The following VPS16 variants were observed in gnomAD, a reference collection of about 807,000 sequenced individuals.
VPS16 encodes the protein VPS16 core subunit of CORVET and HOPS complexes, also known as vacuolar protein sorting-associated protein 16 homolog.
In VPS16, 82 loss-of-function variants were observed where a neutral mutation model predicts 116.0. The observed-to-expected ratio is 0.71, with a 90% CI of 0.59 to 0.85. VPS16 has a LOEUF of 0.85. Among genes scored for constraint, VPS16 ranks in the 40% least tolerant of loss-of-function variants. VPS16 has a pLI of 0.00. For synonymous variants in VPS16, 406 were observed against 420.7 expected (o/e 0.96, Z 0.43); for missense variants, 928 against 1,090.6 (o/e 0.85, Z 2.10).
At chr20:2,849,852 T>C (rs990982898) in intron 1 of VPS16, among the ~76,000 whole-genome samples, 1 of 152,220 alleles carries the variant, frequency 6.6e-6, no homozygotes, top group Non-Finnish European at 1.5e-5. Context: ...GCTTGATGAA[T>C]TGTGATGCAA....
In VPS16 at chr20:2,862,848, C is replaced by T. The variant is rs757926126; in HGVS notation, c.1245C>T (p.Pro415=). 131 of 1,613,974 alleles carry T rather than the reference C, an allele frequency of 8.1e-5. No homozygotes were observed. The highest frequency in any genetic ancestry group is 1.6e-4 in the Middle Eastern group (1 of 6,084). ...AGTGTTTCCTGGACAGATTTCCACC[C>T]GACAGCTTCGTGCACATGTGTCAGG... ...FGKCFLDRFP[P]DSFVHMCQDL... is the part of the protein sequence containing the mutation. Residue 415 remains proline, a synonymous_variant, in exon 13 of 24, where the codon CCC becomes CCT. Coordinates refer to ENST00000380445, the MANE Select transcript of VPS16 (RefSeq NM_022575.4).
chr20:2,859,128 T>C (rs918054781), intron 1 of VPS16, among the ~76,000 whole-genome samples: 2 of 151,984 alleles, frequency 1.3e-5, no homozygotes, highest in African/African-American at 4.8e-5. Flanking sequence ...GGAGACTCCA[T>C]CTCTACAAAA....
rs866253782 is a variant in VPS16, at chr20:2,864,203, G to A, written c.1636G>A (p.Gly546Arg). Residue 546 changes from glycine (G) to arginine (R), a missense_variant, in exon 17 of 24, where the codon GGG becomes AGG. Transcript: ENST00000380445. This position sits in a 1 kb window ranked among gnomAD's most constrained non-coding sequence, Gnocchi z 5.2. ...GCTGCTGGAGTATGAGCCACGCTCA[G>A]GGGAGCAGGTACCCCTTCTCCTAAA... is the stretch of plus-strand genomic sequence containing the variant. ...IKLLEYEPRS[G>R]EQVPLLLKMK... The A allele has an allele frequency of 6.2e-7, 1 of 1,614,204 alleles. No individual in the cohort carries two copies. Among genetic ancestry groups the A allele is most frequent in the South Asian group, 1.1e-5 (1 of 91,084 alleles).
chr20:2,862,759 G>GTGGGGGGGGGT, intron 12 of VPS16, 48 bp from the exon 13 acceptor site: 1 of 777,202 alleles, frequency 1.3e-6, no homozygotes. Context: ...GAGGGGGTGG[G>GTGGGGGGGGGT]ATGGGCAGCA....
At chr20:2,851,453 A>G (rs2089120215) in intron 1 of VPS16, among the ~76,000 whole-genome samples, 1 of 151,998 alleles carries the variant, frequency 6.6e-6, no homozygotes, top group Non-Finnish European at 1.5e-5. Context: ...TACTAACGAT[A>G]CCAGTTTGAG....
chr20:2,856,689 G>T (rs2089174831), intron 1 of VPS16, among the ~76,000 whole-genome samples: 1 of 152,086 alleles, frequency 6.6e-6, no homozygotes, highest in Admixed American at 6.5e-5. Flanking sequence ...CATTTATTGT[G>T]GTTCTTCCTA....
intron 1 of VPS16, among the ~76,000 whole-genome samples, chr20:2,842,719 T>TCTAGATGTATCTATATATAGATAGAC (rs1568620704): frequency 1.2e-5 from 1 of 80,408 alleles, no homozygotes; most frequent in Non-Finnish European, 2.4e-5. Flanking sequence ...TAGATAGACA[T>TCTAGATGTATCTATATATAGATAGAC]ATGGATGTAT....
chr20:2,840,969 C>A (rs1006910840), intron 1 of VPS16, 142 bp downstream of exon 1: 7 of 773,200 alleles, frequency 9.1e-6, no homozygotes, highest in African/African-American at 1.8e-5. Flanking sequence ...TGCCACTTAG[C>A]GCACAGCCGC....
chr20:2,854,432 A>AAAAAC (rs1183048931), intron 1 of VPS16, among the ~76,000 whole-genome samples: 17 of 152,152 alleles, frequency 1.1e-4, no homozygotes, highest in Admixed American at 3.3e-4. Context: ...ATGTCTTTCT[A>AAAAAC]AAAACAAAAC....
At position 2,856,297 on chromosome 20, in the gene VPS16, T is replaced by A. The variant is rs368654251; in HGVS notation, c.54-3422T>A. 3.9e-5 allele frequency among the ~76,000 whole-genome samples: 6 copies of A among 152,240 alleles called. No homozygotes were observed. In the East Asian group the frequency reaches 7.7e-4, roughly 20 times the overall value. ...AGCTCACCATCATGTATGGGTGCAG[T>A]TTGTGGCACCCCAAAACAATTATAG... On this transcript the variant is annotated intron_variant, in intron 1 of 23. Transcript: ENST00000380445.
In VPS16 at chr20:2,861,011, G is replaced by T. The variant is rs756994384; in HGVS notation, c.672G>T (p.Gln224His). The change falls in exon 7 of 24, where the codon CAG becomes CAT. Residue 224 changes from glutamine to histidine, a missense_variant. Gln to His is a conservative substitution (Grantham distance 24). Transcript: ENST00000380445. ...GLAPGVSSFL[Q>H]MAVSFTYRHL... is the part of the protein sequence containing the mutation. ...CCCCAGGAGTAAGCAGCTTCCTACA[G>T]ATGGCTGTCTCCTTCACCTACCGAC... The T allele has an allele frequency of 6.2e-7, 1 of 1,614,206 alleles. No homozygotes were observed. Among genetic ancestry groups the T allele is most frequent in the Middle Eastern group, 1.6e-4 (1 of 6,062 alleles).
At position 2,863,884 on chromosome 20, in the gene VPS16, G is replaced by A. The variant is rs2089278545; in HGVS notation, c.1477-65G>A. The A allele has an allele frequency of 6.3e-7, 1 of 1,587,856 alleles. No homozygotes were observed. Among genetic ancestry groups the A allele is most frequent in the Non-Finnish European group, 8.6e-7 (1 of 1,163,734 alleles). On this transcript the variant is annotated intron_variant, in intron 15 of 23. Coordinates refer to ENST00000380445, the MANE Select transcript of VPS16 (RefSeq NM_022575.4). The surrounding 1 kb of genome is among the most constrained non-coding windows in gnomAD (Gnocchi z 4.4). ...GGGAACTGAAGGGGTGGGTCCTAAGGGCTTGCAGGAGTGGAGAGTGAGGAA... is the reference window on the plus strand; with the variant it reads ...GGGAACTGAAGGGGTGGGTCCTAAGAGCTTGCAGGAGTGGAGAGTGAGGAA...
chr20:2,866,425 C>A lies in VPS16; in HGVS notation c.2376-5C>A. 1 of 1,614,144 alleles carries A rather than the reference C, an allele frequency of 6.2e-7. No homozygotes were observed. The highest frequency in any genetic ancestry group is 8.5e-7 in the Non-Finnish European group (1 of 1,180,022). On this transcript the variant is annotated splice_polypyrimidine_tract_variant and splice_region_variant and intron_variant, in intron 23 of 23. Transcript: ENST00000380445. ...ACACCACCTCCTCTCTTGCTCAAAC[C>A]ACAGCGATGTGGCTCAGGCTGCAGA... is the stretch of plus-strand genomic sequence containing the variant.
chr20:2,857,773 T>C (rs1009056048), intron 1 of VPS16, among the ~76,000 whole-genome samples: 1 of 150,092 alleles, frequency 6.7e-6, no homozygotes, highest in South Asian at 2.1e-4. Context: ...TGCAGTGGCA[T>C]GATCCTGGCT....
chr20:2,862,397 G>A, intron 11 of VPS16, 182 bp from the exon 12 acceptor site: 1 of 1,294,464 alleles, frequency 7.7e-7, no homozygotes, highest in Non-Finnish European at 1.0e-6. Context: ...GGCAGCTGTG[G>A]GCTGATACGA....
At chr20:2,854,978 T>TTTTTTTG (rs2089158797) in intron 1 of VPS16, among the ~76,000 whole-genome samples, 1 of 146,782 alleles carries the variant, frequency 6.8e-6, no homozygotes, top group South Asian at 2.2e-4. Flanking sequence ...TTTTTTTTTT[T>TTTTTTTG]GAGATGGAAT....
At chr20:2,861,120 C>G in intron 7 of VPS16, 28 bp downstream of exon 7, 1 of 1,614,212 alleles carries the variant, frequency 6.2e-7, no homozygotes, top group Non-Finnish European at 8.5e-7. Context: ...CACAGGGGTA[C>G]TGTGCCTTGT....
Position 2,864,221 on chromosome 20 carries a change from C to G in VPS16, c.1654C>G (p.Leu552Val), listed in dbSNP as rs1362500903. ...ACGCTCAGGGGAGCAGGTACCCCTT[C>G]TCCTAAAGATGAAGAGGAGCAAACT... is the stretch of plus-strand genomic sequence containing the variant. ...EPRSGEQVPL[L>V]LKMKRSKLAL... is the part of the protein sequence containing the mutation. The change falls in exon 17 of 24, where the codon CTC becomes GTC. Residue 552 changes from leucine to valine, a missense_variant. By Grantham distance (32) the Leu-to-Val change is conservative. Coordinates refer to ENST00000380445, the MANE Select transcript of VPS16 (RefSeq NM_022575.4). This position sits in a 1 kb window ranked among gnomAD's most constrained non-coding sequence, Gnocchi z 5.2. The G allele has an allele frequency of 1.2e-6, 2 of 1,614,122 alleles. No homozygotes were observed. The highest frequency in any genetic ancestry group is 1.7e-6 in the Non-Finnish European group (2 of 1,180,048).
intron 1 of VPS16, among the ~76,000 whole-genome samples, chr20:2,848,761 A>C (rs888643055): frequency 1.3e-5 from 2 of 152,202 alleles, no homozygotes; most frequent in Non-Finnish European, 2.9e-5. Flanking sequence ...TGCTGGATAG[A>C]GCATTCTGTA....
Sources: allele counts gnomAD v4.1 joint callset (sites outside exome capture counted in the v4.1 genomes callset), GRCh38; gene constraint gnomAD v4.1.1; non-coding constraint Gnocchi (gnomAD v3.1); transcripts MANE v1.5; gene names NCBI Gene and HGNC (gene_info 2026-07-23, HGNC 2026-07-21).